Variants in RGL1 observed in about 807,000 individuals in gnomAD.
The protein encoded by RGL1 is ral guanine nucleotide dissociation stimulator like 1, also known as ral guanine nucleotide dissociation stimulator-like 1.
A neutral mutation model predicts 95.2 loss-of-function variants in RGL1; 24 were observed. The ratio of observed to expected loss-of-function variants is 0.25; its 90% CI spans 0.18 to 0.35. RGL1 has a LOEUF of 0.35. Among genes scored for constraint, RGL1 ranks in the 10% least tolerant of loss-of-function variants. RGL1 has a pLI of 1.00. For synonymous variants in RGL1, 329 were observed against 344.9 expected, an observed-to-expected ratio of 0.95 and a Z score of 0.51; for missense variants, 715 against 936.3, an observed-to-expected ratio of 0.76 and a Z score of 3.08.
chr1:183,794,207 T>C (rs1017601343), intron 2 of RGL1, among the ~76,000 whole-genome samples: 5 of 152,130 alleles, frequency 3.3e-5, no homozygotes, highest in African/African-American at 1.2e-4. Context: ...AAATATTGCA[T>C]GTTCTCACTC....
At chr1:183,743,395 G>A (rs996045757) in intron 2 of RGL1, among the ~76,000 whole-genome samples, 7 of 146,760 alleles carry the variant, frequency 4.8e-5, no homozygotes, top group Non-Finnish European at 9.0e-5. Flanking sequence ...GCATAGAAAC[G>A]TAATAGGGAA....
chr1:183,870,222 A>T (rs1255635901), intron 4 of RGL1, among the ~76,000 whole-genome samples: 1 of 152,110 alleles, frequency 6.6e-6, no homozygotes, highest in Non-Finnish European at 1.5e-5. Flanking sequence ...GAAGTGTCCC[A>T]GTCTGACGTG....
chr1:183,850,773 T>C (rs1355522254), intron 3 of RGL1, among the ~76,000 whole-genome samples: 1 of 152,206 alleles, frequency 6.6e-6, no homozygotes, highest in Non-Finnish European at 1.5e-5. Context: ...TTTTTGGTAT[T>C]TCATGTTTAT....
At chr1:183,844,225 C>T (rs1195105608) in intron 2 of RGL1, among the ~76,000 whole-genome samples, 1 of 152,124 alleles carries the variant, frequency 6.6e-6, no homozygotes, top group Non-Finnish European at 1.5e-5. Context: ...ACAAAACATC[C>T]TGACATTTTT....
At chr1:183,637,675 A>G (rs1649641347) in intron 1 of RGL1, among the ~76,000 whole-genome samples, 1 of 152,284 alleles carries the variant, frequency 6.6e-6, no homozygotes, top group South Asian at 2.1e-4. Context: ...TCTGTTCCCA[A>G]TTAAACCACT....
chr1:183,709,144 G>A (rs541564781), intron 1 of RGL1, among the ~76,000 whole-genome samples: 2 of 152,266 alleles, frequency 1.3e-5, no homozygotes, highest in Non-Finnish European at 2.9e-5. Context: ...CCTTCAGGGG[G>A]TACGTGTCTT....
At chr1:183,906,516 CT>C (rs1384192698) in intron 13 of RGL1, among the ~76,000 whole-genome samples, 2 of 151,912 alleles carry the variant, frequency 1.3e-5, no homozygotes, top group Non-Finnish European at 2.9e-5. Flanking sequence ...ATGTAATTGC[CT>C]ATGTCTGTTC....
At chr1:183,805,828 C>T in intron 1 of RGL1, among the ~76,000 whole-genome samples, 1 of 152,146 alleles carries the variant, frequency 6.6e-6, no homozygotes, top group Non-Finnish European at 1.5e-5. Context: ...CAAACCACTT[C>T]ACTTCCAAAG....
chr1:183,707,167 C>A (rs1190767027), intron 1 of RGL1, among the ~76,000 whole-genome samples: 1 of 152,140 alleles, frequency 6.6e-6, no homozygotes, highest in Non-Finnish European at 1.5e-5. Flanking sequence ...GGGACTGCCT[C>A]TGTGTCACTA....
chr1:183,913,429 C>T (rs1668781388), intron 15 of RGL1, among the ~76,000 whole-genome samples: 1 of 152,060 alleles, frequency 6.6e-6, no homozygotes, highest in African/African-American at 2.4e-5. Context: ...CCCCTGACCT[C>T]AGGTGATCCA....
chr1:183,707,120 G>T (rs1349892855), intron 1 of RGL1, among the ~76,000 whole-genome samples: 1 of 152,142 alleles, frequency 6.6e-6, no homozygotes, highest in African/African-American at 2.4e-5. Flanking sequence ...GGCGTCCAGG[G>T]GCCCTGTCTT....
intron 2 of RGL1, among the ~76,000 whole-genome samples, chr1:183,846,858 C>T (rs565077713): frequency 8.6e-5 from 13 of 151,738 alleles, no homozygotes; most frequent in East Asian, 2.0e-4. Flanking sequence ...CCAGCCTGGG[C>T]GACAAAGCGA....
chr1:183,669,725 T>G (rs545392738), intron 1 of RGL1, among the ~76,000 whole-genome samples: 1 of 152,184 alleles, frequency 6.6e-6, no homozygotes, highest in Non-Finnish European at 1.5e-5. Flanking sequence ...ACTGCGTAAT[T>G]TATAAATAAA....
chr1:183,897,934 A>AG, intron 10 of RGL1, 37 bp downstream of exon 10: 1 of 1,571,956 alleles, frequency 6.4e-7, no homozygotes, highest in Admixed American at 1.7e-5. Context: ...CAGCTCACAG[A>AG]GGAGAAGGGC....
intron 1 of RGL1, chr1:183,648,883 A>G (rs1224224557): frequency 2.3e-5 from 21 of 930,358 alleles, no homozygotes; most frequent in Non-Finnish European, 3.2e-6. Flanking sequence ...AATTTATTAA[A>G]CCATACTTTC....
chr1:183,882,953 A>G (rs1666907754), intron 5 of RGL1, among the ~76,000 whole-genome samples: 1 of 152,216 alleles, frequency 6.6e-6, no homozygotes, highest in Non-Finnish European at 1.5e-5. Flanking sequence ...AACAGGTTTG[A>G]CAGGAAGGAG....
chr1:183,668,754 T>G (rs1276033558), intron 1 of RGL1, among the ~76,000 whole-genome samples: 1 of 152,058 alleles, frequency 6.6e-6, no homozygotes, highest in Non-Finnish European at 1.5e-5. Flanking sequence ...TAACATTAAT[T>G]TGGGGGAAAT....
chr1:183,805,956 TTTTTC>T lies in RGL1; in HGVS notation c.28-404_28-400del, dbSNP rs1298042048. Among the ~76,000 whole-genome samples, 353 of 139,818 alleles carry T rather than the reference TTTTTC, an allele frequency of 2.5e-3. 2 individuals are homozygous for T. Among genetic ancestry groups the T allele is most frequent in the Middle Eastern group, 0.014 (4 of 278 alleles). 91.7% of individuals were successfully genotyped at this position (139,818 alleles called of 152,430 possible). A position where few individuals can be genotyped will look rare whatever the true frequency, so the allele number is the denominator to read the frequency against. On this transcript the variant is annotated intron_variant, in intron 1 of 17. Transcript: ENST00000360851. ...TTATTCTTTTCTTTTTTTCTTTTTC[TTTTTC>T]TTTTCTTTTCTTTTTTTTTTTTTTT...
At chr1:183,712,181 C>T (rs967891383) in intron 1 of RGL1, among the ~76,000 whole-genome samples, 3 of 152,218 alleles carry the variant, frequency 2.0e-5, no homozygotes, top group African/African-American at 7.2e-5. Flanking sequence ...CCTGGGAGGG[C>T]CCTTGACAGA....
Sources: gnomAD v4.1 joint callset for allele counts (sites outside exome capture counted in the v4.1 genomes callset) on GRCh38, gnomAD v4.1.1 for gene constraint, MANE v1.5 for transcripts, NCBI Gene and HGNC (gene_info 2026-07-23, HGNC 2026-07-21) for gene names.